TAFA2: variants seen among roughly 807,000 people sequenced by gnomAD.
The protein encoded by TAFA2 is chemokine-like protein TAFA-2.
Under a neutral mutation model 18.8 loss-of-function variants are expected in TAFA2, and 7 were observed. That is an observed-to-expected ratio of 0.37 (90% confidence interval 0.21 to 0.70). The LOEUF (loss-of-function observed/expected upper bound fraction) is 0.70. TAFA2 is among the 30% of genes least tolerant of loss of function. TAFA2 has a pLI of 0.53. For missense variants in TAFA2, 122 were observed against 158.1 expected (o/e 0.77, Z 1.23); for synonymous variants, 60 against 54.2 (o/e 1.11, Z -0.47).
chr12:61,718,277 T>C (rs1046223968), intron 4 of TAFA2, among the ~76,000 whole-genome samples: 4 of 152,226 alleles, frequency 2.6e-5, no homozygotes, highest in African/African-American at 9.6e-5. Flanking sequence ...GATGACTGTT[T>C]GCGTTGCCAT....
At chr12:61,992,785 T>A (rs189688174) in intron 1 of TAFA2, among the ~76,000 whole-genome samples, 1 of 152,192 alleles carries the variant, frequency 6.6e-6, no homozygotes, top group African/African-American at 2.4e-5. Flanking sequence ...ACAAGCTCCA[T>A]GAGAGTAGAA....
chr12:61,751,920 A>G (rs1346701153), intron 4 of TAFA2, among the ~76,000 whole-genome samples: 1 of 151,952 alleles, frequency 6.6e-6, no homozygotes, highest in Non-Finnish European at 1.5e-5. Context: ...CATTTCAATG[A>G]TCCAGAAAGT....
At chr12:62,193,104 G>GTA (rs1035684765), upstream of TAFA2, among the ~76,000 whole-genome samples, 30 of 152,290 alleles carry the variant, frequency 2.0e-4, no homozygotes, top group South Asian at 1.4e-3. Context: ...TTGGGTGTCG[G>GTA]TTTAAGCGCT....
At chr12:61,768,426 G>A (rs1273276409) in intron 2 of TAFA2, among the ~76,000 whole-genome samples, 1 of 152,102 alleles carries the variant, frequency 6.6e-6, no homozygotes, top group East Asian at 1.9e-4. Flanking sequence ...GACATACCAG[G>A]AAAGCTGAGA....
chr12:61,711,159 G>T (rs916303872), intron 4 of TAFA2, among the ~76,000 whole-genome samples: 2 of 151,498 alleles, frequency 1.3e-5, no homozygotes, highest in African/African-American at 4.9e-5. Flanking sequence ...CAGGAAAAAA[G>T]AATAATAAAC....
intron 1 of TAFA2, among the ~76,000 whole-genome samples, chr12:62,084,986 T>C (rs1182623009): frequency 1.3e-5 from 2 of 152,150 alleles, no homozygotes; most frequent in Admixed American, 6.6e-5. Flanking sequence ...GATACCTTCC[T>C]GAAGAACACT....
At chr12:61,776,018 A>C in intron 2 of TAFA2, 1 of 359,790 alleles carries the variant, frequency 2.8e-6, no homozygotes, top group Non-Finnish European at 5.4e-6. Context: ...CACACATGCG[A>C]ATCTATAAGA....
intron 1 of TAFA2, among the ~76,000 whole-genome samples, chr12:61,992,000 C>T (rs1880027321): frequency 6.6e-6 from 1 of 152,194 alleles, no homozygotes; most frequent in Non-Finnish European, 1.5e-5. Context: ...TCTTTCTCAT[C>T]TTCCTGCCCT....
At chr12:61,824,809 C>T (rs1318134181) in intron 2 of TAFA2, among the ~76,000 whole-genome samples, 1 of 152,168 alleles carries the variant, frequency 6.6e-6, no homozygotes, top group African/African-American at 2.4e-5. Context: ...GACATGGTTA[C>T]TGCCCCAAGA....
At position 61,754,968 on chromosome 12, in the gene TAFA2, T is replaced by C. The variant is rs1244428686; in HGVS notation, c.163A>G (p.Lys55Glu). The C allele has an allele frequency of 6.2e-7, 1 of 1,613,020 alleles. No individual in the cohort carries two copies. The highest frequency in any genetic ancestry group is 8.5e-7 in the Non-Finnish European group (1 of 1,179,408). The change falls in exon 3 of 5, where the codon AAG (lysine) becomes GAG (glutamate). Residue 55 changes from lysine to glutamate, a missense_variant. Lys to Glu is a moderately conservative substitution (Grantham distance 56). Transcript: ENST00000416284. ...TGTGACCGTTCTTCTATCTTGTTCT[T>C]ATTACAGCATCTGTGGAGTGCCACC... Reference protein sequence around the residue: ...EVVALHRCCNKNKIEERSQTV... With the variant: ...EVVALHRCCNENKIEERSQTV...
chr12:62,053,083 A>C (rs1480169398), intron 1 of TAFA2, among the ~76,000 whole-genome samples: 1 of 152,146 alleles, frequency 6.6e-6, no homozygotes, highest in Non-Finnish European at 1.5e-5. Flanking sequence ...ATTTCCTGGG[A>C]CCAGCAAACC....
At chr12:61,794,324 GAATT>G (rs899264657) in intron 2 of TAFA2, among the ~76,000 whole-genome samples, 2 of 151,872 alleles carry the variant, frequency 1.3e-5, no homozygotes, top group African/African-American at 4.8e-5. Flanking sequence ...AAAGATATTA[GAATT>G]AATTGAGTTT....
At chr12:62,214,659 T>G (rs1486124148) in intron 1 of TAFA2, among the ~76,000 whole-genome samples, 2 of 152,210 alleles carry the variant, frequency 1.3e-5, no homozygotes, top group Non-Finnish European at 2.9e-5. Flanking sequence ...CGAATATGAC[T>G]GGTGCCCTTG....
At chr12:62,099,040 G>A (rs1185842333) in intron 1 of TAFA2, among the ~76,000 whole-genome samples, 2 of 152,062 alleles carry the variant, frequency 1.3e-5, no homozygotes, top group Admixed American at 1.3e-4. Flanking sequence ...ATGGAATTAG[G>A]TAGCTCACAT....
intron 4 of TAFA2, among the ~76,000 whole-genome samples, chr12:61,749,432 C>T (rs1288786481): frequency 1.3e-5 from 2 of 152,062 alleles, no homozygotes; most frequent in African/African-American, 4.8e-5. Context: ...ATGTACTCAG[C>T]AGAGTGCCCA....
intron 1 of TAFA2, among the ~76,000 whole-genome samples, chr12:62,224,829 G>A (rs574505096): frequency 3.3e-5 from 5 of 152,204 alleles, no homozygotes; most frequent in African/African-American, 1.2e-4. Flanking sequence ...CCACTCAACT[G>A]TATACTTAAA....
At chr12:62,242,996 A>G (rs2062869654) in intron 1 of TAFA2, among the ~76,000 whole-genome samples, 1 of 152,212 alleles carries the variant, frequency 6.6e-6, no homozygotes, top group Non-Finnish European at 1.5e-5. Context: ...TGAGCCATTG[A>G]CCTGAAAATT....
At chr12:61,944,924 A>G (rs1878201813) in intron 1 of TAFA2, among the ~76,000 whole-genome samples, 2 of 136,348 alleles carry the variant, frequency 1.5e-5, no homozygotes, top group South Asian at 5.2e-4. Flanking sequence ...CAATCAATAG[A>G]AAAAGAGGGA....
chr12:62,103,132 C>A (rs1215052726), intron 1 of TAFA2, among the ~76,000 whole-genome samples: 2 of 152,206 alleles, frequency 1.3e-5, no homozygotes, highest in African/African-American at 4.8e-5. Flanking sequence ...TTAACACTGT[C>A]ATCTTACACT....
Sources: gnomAD v4.1 joint callset for allele counts (sites outside exome capture counted in the v4.1 genomes callset) on GRCh38, gnomAD v4.1.1 for gene constraint, MANE v1.5 for transcripts, NCBI Gene and HGNC (gene_info 2026-07-23, HGNC 2026-07-21) for gene names.